Variants in SLC43A2 observed in about 807,000 individuals in gnomAD.
The protein encoded by SLC43A2 is large neutral amino acids transporter small subunit 4.
SLC43A2 carries 38 observed loss-of-function variants against 63.2 expected under a neutral mutation model. The observed-to-expected ratio is 0.60, with a 90% CI of 0.46 to 0.79. SLC43A2 has a LOEUF of 0.79. Among genes scored for constraint, SLC43A2 ranks in the 30% least tolerant of loss-of-function variants. SLC43A2 has a pLI of 0.00. For synonymous variants in SLC43A2, 322 were observed against 331.0 expected (o/e 0.97, Z 0.30); for missense variants, 644 against 756.2 (o/e 0.85, Z 1.74).
rs905057499 is a variant in SLC43A2 at position 1,569,700 on chromosome 17, A to G, written c.*5904T>C. 2 of 152,328 alleles carry G rather than the reference A, an allele frequency of 1.3e-5. No homozygotes were observed. Among genetic ancestry groups the G allele is most frequent in the East Asian group, 3.8e-4 (2 of 5,200 alleles). 9.4% of individuals were successfully genotyped at this position (152,328 alleles called of 1,614,324 possible). On this transcript the variant is annotated 3_prime_UTR_variant, in exon 14 of 14. Coordinates refer to ENST00000301335, the MANE Select transcript of SLC43A2 (RefSeq NM_152346.3). ...GACCGTGCCTTGAGTCGCCCCACTC[A>G]GCAGAAACCTCACTCAGCAGAAACT...
chr17:1,599,913 G>A (rs181091402), intron 5 of SLC43A2, among the ~76,000 whole-genome samples: 31 of 142,900 alleles, frequency 2.2e-4, no homozygotes, highest in Middle Eastern at 4.3e-3. Context: ...GCGTGGTGGC[G>A]GGCGCCTGTA....
intron 3 of SLC43A2, among the ~76,000 whole-genome samples, chr17:1,615,706 G>A (rs532020913): frequency 0.01 from 1,520 of 149,008 alleles, 27 homozygotes; most frequent in Non-Finnish European, 0.017. Context: ...AGCCGGGCGT[G>A]GTGGCAGGCG....
At position 1,583,080 on chromosome 17, in the gene SLC43A2, A is replaced by C; in HGVS notation, c.1350+124T>G. On this transcript the variant is annotated intron_variant, in intron 11 of 13. Coordinates refer to ENST00000301335, the MANE Select transcript of SLC43A2 (RefSeq NM_152346.3). The surrounding 1 kb of genome is among the most constrained non-coding windows in gnomAD (Gnocchi z 5.5). ...AGCAACAGAGTTTGACTCTGTCTCA[A>C]AAAAATAAAGAAAGTCATCCGCTTT... 2 of 1,146,960 alleles carry C rather than the reference A, an allele frequency of 1.7e-6. No individual in the cohort carries two copies. Among genetic ancestry groups the C allele is most frequent in the Non-Finnish European group, 2.5e-6 (2 of 806,444 alleles). 71.0% of individuals were successfully genotyped at this position (1,146,960 alleles called of 1,614,324 possible).
intron 4 of SLC43A2, among the ~76,000 whole-genome samples, chr17:1,613,612 C>T (rs983596013): frequency 2.6e-5 from 4 of 152,142 alleles, no homozygotes; most frequent in African/African-American, 9.7e-5. Context: ...GCCACCACAC[C>T]CGGCTAATTT....
In SLC43A2 at chr17:1,577,067, C is replaced by T. The variant is rs866792138; in HGVS notation, c.1425-347G>A. 3.3e-5 allele frequency among the ~76,000 whole-genome samples: 5 copies of T among 152,008 alleles called. No homozygotes were observed. Among genetic ancestry groups the T allele is most frequent in the Admixed American group, 6.6e-5 (1 of 15,256 alleles). ...TTTTAGTAGAGACGGGGTTTCACTA[C>T]GTTGGCCAGGCTGGTCTCAAACTCC... On this transcript the variant is annotated intron_variant, in intron 12 of 13. Coordinates refer to ENST00000301335, the MANE Select transcript of SLC43A2 (RefSeq NM_152346.3). This position sits in a 1 kb window ranked among gnomAD's most constrained non-coding sequence, Gnocchi z 4.9.
At chr17:1,627,652 A>AACCC in intron 2 of SLC43A2, 63 bp downstream of exon 2, 1 of 227,122 alleles carries the variant, frequency 4.4e-6, no homozygotes, top group Non-Finnish European at 8.5e-6. Context: ...CTTCGCCCCC[A>AACCC]TCCCGCCCCC....
intron 2 of SLC43A2, among the ~76,000 whole-genome samples, chr17:1,626,171 G>GC (rs1491195176): frequency 2.6e-5 from 3 of 115,146 alleles, no homozygotes; most frequent in Admixed American, 2.5e-4. Flanking sequence ...CTTTTTTTCT[G>GC]CTTTTTTTTT....
intron 2 of SLC43A2, among the ~76,000 whole-genome samples, chr17:1,624,170 C>G (rs1236212320): frequency 1.3e-5 from 2 of 152,268 alleles, no homozygotes; most frequent in Non-Finnish European, 2.9e-5. Flanking sequence ...GGAGCGGTGG[C>G]TCACGCCTAT....
In SLC43A2 at chr17:1,575,524, C is replaced by G; in HGVS notation, c.*80G>C. On this transcript the variant is annotated 3_prime_UTR_variant, in exon 14 of 14. Transcript: ENST00000301335. ...GGAGACGGCGAAGGTCCTGGGGGTG[C>G]GTGGGGTACTCTGGAGGGGCAGGAC... The G allele has an allele frequency of 6.4e-7, 1 of 1,572,504 alleles. No homozygotes were observed. Among genetic ancestry groups the G allele is most frequent in the South Asian group, 1.1e-5 (1 of 90,032 alleles).
At chr17:1,603,322 G>C (rs1906252251) in intron 5 of SLC43A2, 1 of 152,060 alleles carries the variant, frequency 6.6e-6, no homozygotes, top group Non-Finnish European at 1.5e-5. Context: ...TTGTTATTCT[G>C]TTGTGACCAC....
intron 5 of SLC43A2, among the ~76,000 whole-genome samples, chr17:1,612,950 C>T (rs549264074): frequency 2.0e-5 from 3 of 150,738 alleles, no homozygotes; most frequent in Non-Finnish European, 4.4e-5. Context: ...CCAGCCTGGG[C>T]GACAGAGCAA....
In SLC43A2 at chr17:1,575,634, G is replaced by A. The variant is rs374370777; in HGVS notation, c.1680C>T (p.Asn560=). ...QEDDKLFLKI[N]GSSNQEAFV is the part of the protein sequence containing the mutation. ...CGAAGGCCTCCTGGTTGGACGAGCC[G>A]TTGATTTTGAGGAAGAGTTTGTCAT... The change falls in exon 14 of 14, where the codon AAC becomes AAT. Residue 560 remains asparagine, a synonymous_variant. Coordinates refer to ENST00000301335, the MANE Select transcript of SLC43A2 (RefSeq NM_152346.3). 19 of 1,614,026 alleles carry A rather than the reference G, an allele frequency of 1.2e-5. No individual in the cohort carries two copies. Among genetic ancestry groups the A allele is most frequent in the East Asian group, 4.5e-5 (2 of 44,898 alleles).
intron 5 of SLC43A2, among the ~76,000 whole-genome samples, chr17:1,603,797 C>T (rs1411647904): frequency 6.6e-6 from 1 of 151,932 alleles, no homozygotes; most frequent in Non-Finnish European, 1.5e-5. Flanking sequence ...AAAAACAAAA[C>T]AAAACAAAAC....
At chr17:1,628,071 C>A in intron 1 of SLC43A2, 151 bp from the exon 2 acceptor site, 1 of 758,368 alleles carries the variant, frequency 1.3e-6, no homozygotes. Flanking sequence ...AACCCCAGCC[C>A]TGCCCGGACC....
chr17:1,627,564 G>C, intron 2 of SLC43A2, 151 bp downstream of exon 2: 1 of 745,080 alleles, frequency 1.3e-6, no homozygotes, highest in South Asian at 2.2e-5. Context: ...CAAGTACCCG[G>C]CAGGGCTGGG....
In SLC43A2 at chr17:1,586,065, C is replaced by T. The variant is rs763865323; in HGVS notation, c.1079-14G>A. On this transcript the variant is annotated splice_polypyrimidine_tract_variant and intron_variant, in intron 9 of 13. Transcript: ENST00000301335. ...TGTAGAGGCCAACTGTGGAGGAAGGCGCTGCGTCATGGGGACGCCTGGCAG... is the reference window on the plus strand; with the variant it reads ...TGTAGAGGCCAACTGTGGAGGAAGGTGCTGCGTCATGGGGACGCCTGGCAG... 71 of 1,571,968 alleles carry T rather than the reference C, an allele frequency of 4.5e-5. No homozygotes were observed. Among genetic ancestry groups the T allele is most frequent in the Non-Finnish European group, 5.8e-5 (67 of 1,158,778 alleles).
chr17:1,586,927 A>AGGGCCCCCCCCCCCCCCCCCCC, intron 9 of SLC43A2: 1 of 1,355,946 alleles, frequency 7.4e-7, no homozygotes, highest in Non-Finnish European at 1.0e-6. Flanking sequence ...TTCCCTGACA[A>AGGGCCCCCCCCCCCCCCCCCCC]TCCCCCCCAC....
chr17:1,582,151 T>C (rs985957510), intron 11 of SLC43A2, among the ~76,000 whole-genome samples: 44 of 150,406 alleles, frequency 2.9e-4, no homozygotes, highest in African/African-American at 9.6e-4. Flanking sequence ...GCGATCTCAG[T>C]TCACTGCAAC....
chr17:1,594,734 C>T (rs1302085861), intron 5 of SLC43A2, among the ~76,000 whole-genome samples: 11 of 151,270 alleles, frequency 7.3e-5, no homozygotes, highest in South Asian at 2.1e-4. Context: ...ACTATAGGCG[C>T]CCGCCACCAC....
Sources: allele counts gnomAD v4.1 joint callset (sites outside exome capture counted in the v4.1 genomes callset), GRCh38; gene constraint gnomAD v4.1.1; non-coding constraint Gnocchi (gnomAD v3.1); transcripts MANE v1.5; gene names NCBI Gene and HGNC (gene_info 2026-07-23, HGNC 2026-07-21).